Variants in BCL2L13 observed in about 807,000 individuals in gnomAD.
BCL2L13 encodes BCL2 like 13, also known as bcl-2-like protein 13.
A neutral mutation model predicts 25.8 loss-of-function variants in BCL2L13; 13 were observed. The observed-to-expected ratio is 0.50, with a 90% CI of 0.33 to 0.80. BCL2L13 has a LOEUF of 0.80. Ranked by LOEUF, BCL2L13 falls within the 30% of genes least tolerant of loss-of-function variation. The pLI, the probability that BCL2L13 is intolerant of heterozygous loss-of-function variation, is 0.02. For missense variants in BCL2L13, 504 were observed against 574.9 expected, an observed-to-expected ratio of 0.88 and a Z score of 1.26; for synonymous variants, 244 against 230.3, an observed-to-expected ratio of 1.06 and a Z score of -0.54.
intron 6 of BCL2L13, chr22:17,706,938 A>G (rs2060610981): frequency 1.3e-6 from 1 of 746,760 alleles, no homozygotes. Context: ...GTCTATTGTA[A>G]TATTTAAGTA....
rs542204193 is a variant in BCL2L13, at chr22:17,656,976, G to A, written c.121+1144G>A. Reference sequence around the variant, plus strand: ...TGGGACTATAGGCGCACGCTGCCACGCCCGGCTAGTTTTTTGTATTTTAGT... The same window carrying A: ...TGGGACTATAGGCGCACGCTGCCACACCCGGCTAGTTTTTTGTATTTTAGT... On this transcript the variant is annotated intron_variant, in intron 2 of 6. Coordinates refer to ENST00000317582, the MANE Select transcript of BCL2L13 (RefSeq NM_015367.4). 1.9e-3 allele frequency among the ~76,000 whole-genome samples: 285 copies of A among 152,160 alleles called. 1 individual carries two copies. Among genetic ancestry groups the A allele is most frequent in the African/African-American group, 6.5e-3 (270 of 41,544 alleles).
At chr22:17,685,125 C>A in intron 3 of BCL2L13, among the ~76,000 whole-genome samples, 1 of 152,056 alleles carries the variant, frequency 6.6e-6, no homozygotes, top group East Asian at 1.9e-4. Context: ...CCGCCCACCT[C>A]GGTCTCCCAA....
chr22:17,721,381 A>C (rs1303986351), intron 6 of BCL2L13, among the ~76,000 whole-genome samples: 2 of 151,888 alleles, frequency 1.3e-5, no homozygotes, highest in Non-Finnish European at 2.9e-5. Context: ...GTTATTTTTT[A>C]ATTTAAAAAA....
At chr22:17,664,550 G>T (rs192957214) in intron 2 of BCL2L13, among the ~76,000 whole-genome samples, 11 of 152,326 alleles carry the variant, frequency 7.2e-5, no homozygotes, top group African/African-American at 2.6e-4. Context: ...CCACTAGGCA[G>T]TGCCTCAGTG....
At position 17,727,476 on chromosome 22, in the gene BCL2L13, C is replaced by T. The variant is rs144171230; in HGVS notation, c.1400C>T (p.Ala467Val). ...TCTATACTGCTGTTTGGAGGGGCTG[C>T]TGCTGTTGCCATCCTGGCAGTGGCC... ...GKSILLFGGA[A>V]AVAILAVAIG... Residue 467 changes from alanine to valine, a missense_variant, in exon 7 of 7, where the codon GCT (alanine) becomes GTT (valine). Coordinates refer to ENST00000317582, the MANE Select transcript of BCL2L13 (RefSeq NM_015367.4). 539 of 1,614,280 alleles carry T rather than the reference C, an allele frequency of 3.3e-4. 5 individuals are homozygous for T. The African/African-American group carries it at 6.6e-3, about 20-fold the overall frequency.
chr22:17,702,519 C>T, intron 6 of BCL2L13, 133 bp downstream of exon 6: 1 of 871,362 alleles, frequency 1.1e-6, no homozygotes, highest in Admixed American at 3.8e-5. Flanking sequence ...TCATGGCAGG[C>T]TTCGGTCTCA....
Position 17,659,232 on chromosome 22 carries a change from C to T in BCL2L13, c.121+3400C>T, listed in dbSNP as rs1057169280. On this transcript the variant is annotated intron_variant, in intron 2 of 6. Coordinates refer to ENST00000317582, the MANE Select transcript of BCL2L13 (RefSeq NM_015367.4). ...TACAAAAATTAGCTAGGTATGTTGGCGGATGCCTGTAGTCCCAGCTACTCT... is the reference window on the plus strand; with the variant it reads ...TACAAAAATTAGCTAGGTATGTTGGTGGATGCCTGTAGTCCCAGCTACTCT... Among the ~76,000 whole-genome samples, 5 of 145,612 alleles carry T rather than the reference C, an allele frequency of 3.4e-5. 1 individual carries two copies. The highest frequency in any genetic ancestry group is 6.2e-5 in the Non-Finnish European group (4 of 64,172).
chr22:17,701,415 G>T (rs2060430363), intron 5 of BCL2L13, among the ~76,000 whole-genome samples: 1 of 152,056 alleles, frequency 6.6e-6, no homozygotes, highest in Admixed American at 6.6e-5. Flanking sequence ...TATTTTTCTG[G>T]AGACCCTGTA....
At chr22:17,678,950 G>A (rs1188233038) in intron 2 of BCL2L13, among the ~76,000 whole-genome samples, 1 of 152,104 alleles carries the variant, frequency 6.6e-6, no homozygotes, top group Non-Finnish European at 1.5e-5. Context: ...TGATTGCAGG[G>A]CCCTTCCCCC....
chr22:17,630,338 G>A (rs1032898682), intron 1 of BCL2L13, among the ~76,000 whole-genome samples: 2 of 150,388 alleles, frequency 1.3e-5, no homozygotes, highest in African/African-American at 4.9e-5. Flanking sequence ...GCAGTGCAAC[G>A]GCATGGTGTC....
At chr22:17,718,945 G>C (rs1051764794) in intron 6 of BCL2L13, among the ~76,000 whole-genome samples, 58 of 151,904 alleles carry the variant, frequency 3.8e-4, no homozygotes, top group African/African-American at 1.4e-3. Context: ...GATTACTTGA[G>C]ATCAGGAGTT....
chr22:17,699,012 T>G (rs887632143), intron 5 of BCL2L13, among the ~76,000 whole-genome samples: 8 of 152,214 alleles, frequency 5.3e-5, no homozygotes, highest in African/African-American at 1.7e-4. Flanking sequence ...ATTGACTATA[T>G]CACTGAGATG....
chr22:17,672,370 T>G (rs141517295), intron 2 of BCL2L13, among the ~76,000 whole-genome samples: 1 of 152,368 alleles, frequency 6.6e-6, no homozygotes, highest in African/African-American at 2.4e-5. Flanking sequence ...TGGCTAAACT[T>G]GTTAATCTTC....
At chr22:17,654,334 C>T (rs1311685747) in intron 1 of BCL2L13, among the ~76,000 whole-genome samples, 1 of 152,124 alleles carries the variant, frequency 6.6e-6, no homozygotes, top group African/African-American at 2.4e-5. Context: ...CGGTTTCAAG[C>T]AATCAACCTG....
intron 1 of BCL2L13, among the ~76,000 whole-genome samples, chr22:17,644,583 G>A (rs2058407245): frequency 1.3e-5 from 2 of 151,170 alleles, no homozygotes; most frequent in Admixed American, 6.6e-5. Flanking sequence ...GCCTGCCTTG[G>A]CCTTCCAAAG....
intron 1 of BCL2L13, among the ~76,000 whole-genome samples, chr22:17,647,596 C>G (rs1601498375): frequency 6.6e-6 from 1 of 152,070 alleles, no homozygotes; most frequent in Non-Finnish European, 1.5e-5. Flanking sequence ...CATTACCTGG[C>G]ATATAGTAAA....
chr22:17,654,698 A>G (rs1361005134), intron 1 of BCL2L13, among the ~76,000 whole-genome samples: 2 of 151,938 alleles, frequency 1.3e-5, no homozygotes, highest in African/African-American at 4.8e-5. Flanking sequence ...TGCTAGGATT[A>G]CAGGTGTGAG....
At chr22:17,664,147 C>A (rs1021868334) in intron 2 of BCL2L13, among the ~76,000 whole-genome samples, 1 of 152,072 alleles carries the variant, frequency 6.6e-6, no homozygotes, top group Non-Finnish European at 1.5e-5. Context: ...CCGCGCCCAG[C>A]CATTTTTTTG....
intron 1 of BCL2L13, among the ~76,000 whole-genome samples, chr22:17,652,090 G>T (rs77667430): frequency 4.6e-5 from 7 of 152,078 alleles, no homozygotes; most frequent in Non-Finnish European, 7.3e-5. Flanking sequence ...CTTATGGTGG[G>T]GTTACATTCT....
Sources: allele counts gnomAD v4.1 joint callset (sites outside exome capture counted in the v4.1 genomes callset), GRCh38; gene constraint gnomAD v4.1.1; transcripts MANE v1.5; gene names NCBI Gene and HGNC (gene_info 2026-07-23, HGNC 2026-07-21).